CNN3: variants seen among roughly 807,000 people sequenced by gnomAD.
CNN3 encodes the protein calponin 3.
In CNN3, 11 loss-of-function variants were observed where a neutral mutation model predicts 39.0. The ratio of observed to expected loss-of-function variants is 0.28; its 90% confidence interval spans 0.18 to 0.47. The LOEUF (loss-of-function observed/expected upper bound fraction) is 0.47, where lower values mean the gene tolerates loss of function less well. CNN3 is among the 20% of genes least tolerant of loss of function. CNN3 has a pLI of 0.99. For synonymous variants in CNN3, 101 were observed against 138.3 expected (o/e 0.73, Z 1.89); for missense variants, 266 against 403.4 (o/e 0.66, Z 2.92).
At chr1:94,907,378 A>G (rs1453481149) in intron 1 of CNN3, among the ~76,000 whole-genome samples, 1 of 152,178 alleles carries the variant, frequency 6.6e-6, no homozygotes, top group Non-Finnish European at 1.5e-5. Context: ...ACTGAGAGCA[A>G]TTTAAAAAAG....
intron 1 of CNN3, among the ~76,000 whole-genome samples, chr1:94,912,408 C>CA (rs1257724740): frequency 1.3e-5 from 2 of 152,200 alleles, no homozygotes; most frequent in Non-Finnish European, 2.9e-5. Flanking sequence ...AGCCTGCTCC[C>CA]ACTCCATCCC....
At position 94,897,985 on chromosome 1, in the gene CNN3, G is replaced by A; in HGVS notation, c.747C>T (p.Thr249=). ...DNSTISLQMG[T]NKVASQKGMS... ...TTCCTTTCTGGGAAGCAACTTTGTT[G>A]GTACCCATCTGTAGGGAAATTGTCG... Residue 249 remains threonine, a synonymous_variant, in exon 7 of 7, where the codon ACC becomes ACT. Transcript: ENST00000370206. 1 of 1,614,026 alleles carries A rather than the reference G, an allele frequency of 6.2e-7. No homozygotes were observed.
intron 1 of CNN3, among the ~76,000 whole-genome samples, chr1:94,921,138 A>C (rs1363260586): frequency 1.3e-5 from 2 of 152,234 alleles, no homozygotes. Context: ...TCACACCTGT[A>C]ATCCCAGCTC....
intron 1 of CNN3, among the ~76,000 whole-genome samples, chr1:94,911,835 C>T (rs543922628): frequency 2.6e-4 from 39 of 152,194 alleles, no homozygotes; most frequent in African/African-American, 5.3e-4. Context: ...TTTGGGAGGC[C>T]GAGGCAGATG....
chr1:94,911,228 C>T (rs1671154736), intron 1 of CNN3, among the ~76,000 whole-genome samples: 1 of 152,136 alleles, frequency 6.6e-6, no homozygotes, highest in African/African-American at 2.4e-5. Context: ...CACGAACGTG[C>T]TAAAGATTTG....
chr1:94,924,260 C>G (rs1422821248), intron 1 of CNN3: 3 of 152,176 alleles, frequency 2.0e-5, no homozygotes, highest in Non-Finnish European at 4.4e-5. Flanking sequence ...TTCCCAGGCC[C>G]AGAACAGATC....
chr1:94,917,788 T>G (rs1271239766), intron 1 of CNN3, among the ~76,000 whole-genome samples: 1 of 152,222 alleles, frequency 6.6e-6, no homozygotes, highest in Non-Finnish European at 1.5e-5. Context: ...TACAGGATAC[T>G]TTCACTTATT....
intron 5 of CNN3, 109 bp from the exon 6 acceptor site, chr1:94,899,626 G>A (rs1328286556): frequency 2.7e-6 from 3 of 1,119,812 alleles, no homozygotes; most frequent in Non-Finnish European, 3.8e-6. Context: ...CAACCGACAA[G>A]TTACTGAGCT....
chr1:94,919,896 C>T (rs1361604374), intron 1 of CNN3, among the ~76,000 whole-genome samples: 1 of 152,028 alleles, frequency 6.6e-6, no homozygotes, highest in Non-Finnish European at 1.5e-5. Context: ...TGGGGGAAAA[C>T]TAAGCATTAG....
intron 1 of CNN3, among the ~76,000 whole-genome samples, chr1:94,918,892 A>T (rs1248463904): frequency 8.0e-6 from 1 of 124,508 alleles, no homozygotes; most frequent in Non-Finnish European, 1.9e-5. Flanking sequence ...GACTGTCTCA[A>T]AAAAAAAAAA....
chr1:94,901,144 A>C (rs1367380981), intron 5 of CNN3, among the ~76,000 whole-genome samples: 1 of 152,138 alleles, frequency 6.6e-6, no homozygotes, highest in South Asian at 2.1e-4. Context: ...ACCTGAGGTC[A>C]GGAGTTCAAG....
chr1:94,926,959 C>T lies in CNN3; in HGVS notation c.-65G>A. 1 of 1,554,318 alleles carries T rather than the reference C, an allele frequency of 6.4e-7. No individual in the cohort carries two copies. Among genetic ancestry groups the T allele is most frequent in the Non-Finnish European group, 8.8e-7 (1 of 1,138,318 alleles). On this transcript the variant is annotated 5_prime_UTR_variant, in exon 1 of 7. Coordinates refer to ENST00000370206, the MANE Select transcript of CNN3 (RefSeq NM_001839.5). This position sits in a 1 kb window ranked among gnomAD's most constrained non-coding sequence, Gnocchi z 4.2. ...GGGTCTCTCGCACTTCGCTTCCCCG[C>T]TCCTGGCCCCGAGGAGTGGCCGCCG...
intron 3 of CNN3, among the ~76,000 whole-genome samples, chr1:94,902,768 T>A (rs1670901023): frequency 6.6e-6 from 1 of 152,168 alleles, no homozygotes; most frequent in African/African-American, 2.4e-5. Flanking sequence ...TGCTCTGCAG[T>A]CCACTGTTAG....
intron 1 of CNN3, among the ~76,000 whole-genome samples, chr1:94,925,308 C>A (rs1179909837): frequency 6.6e-6 from 1 of 152,182 alleles, no homozygotes. Flanking sequence ...TTTGGACATG[C>A]CCATTCCTCT....
chr1:94,908,846 T>TA (rs1557911342), intron 1 of CNN3, among the ~76,000 whole-genome samples: 5 of 151,606 alleles, frequency 3.3e-5, no homozygotes, highest in African/African-American at 1.2e-4. Context: ...AATAATTTTT[T>TA]TAAAAAAATT....
intron 1 of CNN3, among the ~76,000 whole-genome samples, chr1:94,914,915 G>A (rs1488353944): frequency 6.6e-6 from 1 of 150,888 alleles, no homozygotes; most frequent in Non-Finnish European, 1.5e-5. Flanking sequence ...AGACAGTCTT[G>A]CTCTGTCACC....
intron 1 of CNN3, among the ~76,000 whole-genome samples, chr1:94,924,651 A>G (rs1671534460): frequency 6.6e-6 from 1 of 152,232 alleles, no homozygotes; most frequent in Non-Finnish European, 1.5e-5. Context: ...AATGGGGGGA[A>G]GGCGACAGAC....
At chr1:94,919,732 T>G (rs1671390676) in intron 1 of CNN3, among the ~76,000 whole-genome samples, 1 of 152,150 alleles carries the variant, frequency 6.6e-6, no homozygotes. Context: ...CATAAATGCT[T>G]AGGTTACAAC....
chr1:94,900,526 A>G (rs1206150066), intron 5 of CNN3, among the ~76,000 whole-genome samples: 1 of 152,186 alleles, frequency 6.6e-6, no homozygotes, highest in Non-Finnish European at 1.5e-5. Flanking sequence ...ATAATTTTAC[A>G]TTACACTTTG....
Sources: gnomAD v4.1 joint callset for allele counts (sites outside exome capture counted in the v4.1 genomes callset) on GRCh38, gnomAD v4.1.1 for gene constraint, Gnocchi (gnomAD v3.1) non-coding constraint, MANE v1.5 for transcripts, NCBI Gene and HGNC (gene_info 2026-07-23, HGNC 2026-07-21) for gene names.